PFKFB3: variants seen among roughly 807,000 people sequenced by gnomAD.
The protein encoded by PFKFB3 is 6-phosphofructo-2-kinase/fructose-2,6-biphosphatase 3.
In PFKFB3, 33 loss-of-function variants were observed where a neutral mutation model predicts 68.0. The ratio of observed to expected loss-of-function variants is 0.49; its 90% confidence interval spans 0.37 to 0.65. PFKFB3 has a LOEUF of 0.65. Ranked by LOEUF, PFKFB3 falls within the 30% of genes least tolerant of loss-of-function variation. The pLI is 0.00. For synonymous variants in PFKFB3, 315 were observed against 288.2 expected, an observed-to-expected ratio of 1.09 and a Z score of -0.94; for missense variants, 586 against 712.2, an observed-to-expected ratio of 0.82 and a Z score of 2.02.
the PFKFB3 span, among the ~76,000 whole-genome samples, chr10:6,298,651 CCA>C: frequency 6.6e-6 from 1 of 152,172 alleles, no homozygotes; most frequent in Non-Finnish European, 1.5e-5. Flanking sequence ...CAGGTGTGAG[CCA>C]CTGCACTTGG....
the PFKFB3 span, among the ~76,000 whole-genome samples, chr10:6,268,723 C>T: frequency 6.7e-6 from 1 of 149,894 alleles, no homozygotes. Flanking sequence ...AAATTTCAAA[C>T]ATAAAGAGGT....
At chr10:6,293,874 C>A in the PFKFB3 span, 1 of 411,706 alleles carries the variant, frequency 2.4e-6, no homozygotes. Flanking sequence ...GAGAGTTATC[C>A]TTGACTTGCT....
At chr10:6,146,221 C>G in intron 1 of PFKFB3, 1 of 1,433,856 alleles carries the variant, frequency 7.0e-7, no homozygotes, top group African/African-American at 1.4e-5. Flanking sequence ...ATCTGCCTCT[C>G]TTCTCTCATA....
At chr10:6,158,701 A>G (rs1324998018) in intron 1 of PFKFB3, among the ~76,000 whole-genome samples, 25 of 152,052 alleles carry the variant, frequency 1.6e-4, no homozygotes, top group Admixed American at 1.5e-3. Context: ...CCCCATCTCT[A>G]CTAAAAATAC....
the PFKFB3 span, among the ~76,000 whole-genome samples, chr10:6,269,551 A>T: frequency 0.057 from 8,677 of 152,194 alleles, 396 homozygotes; most frequent in African/African-American, 0.12. Flanking sequence ...TGATGAGGCC[A>T]TGGGGAAAAT....
chr10:6,250,733 C>T (rs887592538), intron 14 of PFKFB3, among the ~76,000 whole-genome samples: 1 of 152,118 alleles, frequency 6.6e-6, no homozygotes, highest in African/African-American at 2.4e-5. Flanking sequence ...GCAGGAAGGC[C>T]CTCACCGGAT....
chr10:6,224,162 A>G lies in PFKFB3; in HGVS notation c.1290A>G (p.Glu430=), dbSNP rs1845163417. 2 of 1,614,054 alleles carry G rather than the reference A, an allele frequency of 1.2e-6. No individual in the cohort carries two copies. The highest frequency in any genetic ancestry group is 1.3e-5 in the African/African-American group (1 of 74,924). ...LTPVAYGCRV[E]SIYLNVESVC... ...CACGCCCTCCAGGCTGCCGTGTGGA[A>G]TCCATCTACCTGAACGTGGAGTCCG... Residue 430 remains glutamate (E), a synonymous_variant, in exon 13 of 15, where the codon GAA becomes GAG. Coordinates refer to ENST00000379775, the MANE Select transcript of PFKFB3 (RefSeq NM_004566.4).
At chr10:6,163,810 G>T (rs564208628) in intron 1 of PFKFB3, 1 of 151,842 alleles carries the variant, frequency 6.6e-6, no homozygotes, top group African/African-American at 2.4e-5. Context: ...CCGCGTTCAC[G>T]TGCTGTCGCG....
chr10:6,312,972 C>T, the PFKFB3 span, among the ~76,000 whole-genome samples: 1 of 152,182 alleles, frequency 6.6e-6, no homozygotes, highest in Non-Finnish European at 1.5e-5. Flanking sequence ...CCTGTGACCA[C>T]CTGGAATTTC....
chr10:6,241,370 A>C (rs984847869), intron 14 of PFKFB3, among the ~76,000 whole-genome samples: 1 of 152,074 alleles, frequency 6.6e-6, no homozygotes, highest in African/African-American at 2.4e-5. Context: ...GTTAACTTTG[A>C]TCTTTGGTGA....
chr10:6,186,206 A>G (rs1203649785), intron 1 of PFKFB3, among the ~76,000 whole-genome samples: 1 of 152,190 alleles, frequency 6.6e-6, no homozygotes, highest in Non-Finnish European at 1.5e-5. Flanking sequence ...TGATATTCAT[A>G]ATATACTTCA....
chr10:6,292,663 A>C, the PFKFB3 span, among the ~76,000 whole-genome samples: 20 of 152,248 alleles, frequency 1.3e-4, no homozygotes, highest in Middle Eastern at 3.4e-3. Flanking sequence ...ATCAAGGGCA[A>C]TCATTCTAAG....
Position 6,219,691 on chromosome 10 carries a change from C to T in PFKFB3, c.621C>T (p.Asp207=), listed in dbSNP as rs1164698823. Residue 207 remains aspartate, a splice_region_variant and synonymous_variant, in exon 7 of 15, where the codon GAC becomes GAT. Transcript: ENST00000379775. ...AGCCCCTCGACCCCGACAAATGCGA[C>T]AGGTGATTCCCGTGGCTGGCCGTCT... ...SYQPLDPDKC[D]RDLSLIKVID... is the part of the protein sequence containing the mutation. 1.3e-5 allele frequency: 21 copies of T among 1,613,320 alleles called. No individual in the cohort carries two copies. Among genetic ancestry groups the T allele is most frequent in the Non-Finnish European group, 1.6e-5 (19 of 1,179,456 alleles).
chr10:6,218,585 C>T (rs2148290), intron 6 of PFKFB3, among the ~76,000 whole-genome samples: 85,830 of 151,804 alleles, frequency 0.57, 27,697 homozygotes, highest in Admixed American at 0.71. Context: ...TGCGCCACCA[C>T]GCCCAGCTAA....
chr10:6,314,356 A>G, the PFKFB3 span, among the ~76,000 whole-genome samples: 4 of 152,346 alleles, frequency 2.6e-5, 1 homozygote, highest in African/African-American at 9.6e-5. Context: ...CCATAATCCC[A>G]TCACCCACAG....
At chr10:6,201,959 T>G (rs1843376394), upstream of PFKFB3, among the ~76,000 whole-genome samples, 1 of 152,002 alleles carries the variant, frequency 6.6e-6, no homozygotes, top group South Asian at 2.1e-4. This position sits in a 1 kb window ranked among gnomAD's most constrained non-coding sequence, Gnocchi z 4.1. Context: ...CACCAAAAAG[T>G]GGGGAGGCAG....
At chr10:6,284,015 T>A in the PFKFB3 span, among the ~76,000 whole-genome samples, 1 of 152,184 alleles carries the variant, frequency 6.6e-6, no homozygotes, top group East Asian at 1.9e-4. Flanking sequence ...TCCTCTCTCC[T>A]TGTGAGTTGA....
chr10:6,172,280 A>G (rs1238267929), intron 1 of PFKFB3, among the ~76,000 whole-genome samples: 1 of 152,184 alleles, frequency 6.6e-6, no homozygotes, highest in African/African-American at 2.4e-5. Context: ...CTTTGCAGGA[A>G]GGAGAGGGAG....
chr10:6,219,507 G>A (rs1393397174), intron 6 of PFKFB3, 62 bp from the exon 7 acceptor site: 3 of 1,602,924 alleles, frequency 1.9e-6, no homozygotes, highest in East Asian at 2.2e-5. Context: ...CCCAAATCCT[G>A]CTTAATCTCA....
Sources: gnomAD v4.1 joint callset for allele counts (sites outside exome capture counted in the v4.1 genomes callset) on GRCh38, gnomAD v4.1.1 for gene constraint, Gnocchi (gnomAD v3.1) non-coding constraint, MANE v1.5 for transcripts, NCBI Gene and HGNC (gene_info 2026-07-23, HGNC 2026-07-21) for gene names.